The following SESN1 variants were observed in gnomAD, a reference collection of about 807,000 sequenced individuals.
The protein encoded by SESN1 is sestrin 1.
In SESN1, 30 loss-of-function variants were observed where a neutral mutation model predicts 59.3. The observed-to-expected ratio is 0.51, with a 90% CI of 0.38 to 0.69. SESN1 has a LOEUF of 0.69. SESN1 is among the 30% of genes least tolerant of loss of function. The pLI is 0.00. For missense variants in SESN1, 566 were observed against 673.0 expected (o/e 0.84, Z 1.76); for synonymous variants, 197 against 219.9 (o/e 0.90, Z 0.92).
At chr6:109,045,392 G>T in intron 1 of SESN1, among the ~76,000 whole-genome samples, 1 of 152,160 alleles carries the variant, frequency 6.6e-6, no homozygotes, top group East Asian at 1.9e-4. Flanking sequence ...CAGATCTGAT[G>T]ATGATATAAT....
At chr6:109,071,463 G>C (rs1780933420) in intron 1 of SESN1, among the ~76,000 whole-genome samples, 1 of 151,776 alleles carries the variant, frequency 6.6e-6, no homozygotes, top group Non-Finnish European at 1.5e-5. Context: ...CTGAAGCTCA[G>C]AGATGGTAAG....
At chr6:109,005,312 G>A (rs1010100637) in intron 1 of SESN1, among the ~76,000 whole-genome samples, 1 of 152,148 alleles carries the variant, frequency 6.6e-6, no homozygotes, top group African/African-American at 2.4e-5. Context: ...TGGGGAAGGG[G>A]AGGAGAAGCA....
intron 1 of SESN1, among the ~76,000 whole-genome samples, chr6:109,032,811 A>T (rs1295374919): frequency 6.6e-6 from 1 of 152,126 alleles, no homozygotes; most frequent in East Asian, 1.9e-4. Flanking sequence ...CTAAGATAGG[A>T]AGATATACCT....
chr6:109,045,026 A>G (rs1301685340), intron 1 of SESN1, among the ~76,000 whole-genome samples: 1 of 151,702 alleles, frequency 6.6e-6, no homozygotes, highest in African/African-American at 2.4e-5. Context: ...TCCATTTCAA[A>G]AAAAAAAAAG....
chr6:109,047,021 C>A (rs1202048855), intron 1 of SESN1, among the ~76,000 whole-genome samples: 1 of 30,838 alleles, frequency 3.2e-5, no homozygotes, highest in Admixed American at 3.5e-4. Flanking sequence ...CCCGGCCAGC[C>A]GCCCCATCCG....
intron 1 of SESN1, among the ~76,000 whole-genome samples, chr6:109,085,050 G>A (rs369825882): frequency 6.8e-6 from 1 of 147,356 alleles, no homozygotes; most frequent in Non-Finnish European, 1.5e-5. Flanking sequence ...ATCTTTTAAA[G>A]TTTTTTTTTC....
At chr6:109,024,656 C>T (rs1780062464) in intron 1 of SESN1, among the ~76,000 whole-genome samples, 1 of 152,142 alleles carries the variant, frequency 6.6e-6, no homozygotes, top group Non-Finnish European at 1.5e-5. Context: ...ATAGTCTAGC[C>T]TAGACTACCA....
At position 108,985,987 on chromosome 6, in the gene SESN1, T is replaced by C. The variant is rs1779173675; in HGVS notation, c.*1557A>G. Reference sequence around the variant, plus strand: ...TACCACCTCTGTTCAAAATTGATCCTTCCCAACCCCTACTTCCACACTACC... The same window carrying C: ...TACCACCTCTGTTCAAAATTGATCCCTCCCAACCCCTACTTCCACACTACC... On this transcript the variant is annotated 3_prime_UTR_variant, in exon 10 of 10. Transcript: ENST00000436639. 6.6e-6 allele frequency among the ~76,000 whole-genome samples: 1 copy of C among 152,170 alleles called. No individual in the cohort carries two copies. Among genetic ancestry groups the C allele is most frequent in the African/African-American group, 2.4e-5 (1 of 41,442 alleles).
At chr6:109,019,623 G>A (rs1413885821) in intron 1 of SESN1, among the ~76,000 whole-genome samples, 1 of 152,078 alleles carries the variant, frequency 6.6e-6, no homozygotes, top group Non-Finnish European at 1.5e-5. Flanking sequence ...GCCAGTATGA[G>A]CAAGAATAGT....
chr6:109,066,813 A>G lies in SESN1; in HGVS notation c.279+26982T>C, dbSNP rs1450578188. Among the ~76,000 whole-genome samples, 5 of 152,316 alleles carry G rather than the reference A, an allele frequency of 3.3e-5. No individual in the cohort carries two copies. The East Asian group carries it at 9.6e-4, about 29-fold the overall frequency. On this transcript the variant is annotated intron_variant, in intron 1 of 9. Transcript: ENST00000436639. ...AGACAGTGCTAAGCTTAAAAGTTCG[A>G]GAGAGACTATGTAGAGAAAAATGGA... is the stretch of plus-strand genomic sequence containing the variant.
intron 7 of SESN1, among the ~76,000 whole-genome samples, chr6:108,991,968 T>C (rs1216445455): frequency 1.3e-5 from 2 of 152,208 alleles, no homozygotes; most frequent in African/African-American, 2.4e-5. Context: ...ACAATACCCT[T>C]TTCACCATCC....
intron 1 of SESN1, among the ~76,000 whole-genome samples, chr6:109,072,205 C>T (rs1162637073): frequency 6.6e-6 from 1 of 152,144 alleles, no homozygotes; most frequent in Non-Finnish European, 1.5e-5. Flanking sequence ...TATCCTCTAA[C>T]ACAGTTCTGC....
At chr6:109,038,265 G>A (rs936047588) in intron 1 of SESN1, among the ~76,000 whole-genome samples, 4 of 152,204 alleles carry the variant, frequency 2.6e-5, no homozygotes, top group African/African-American at 9.7e-5. Context: ...GACCAAGGTG[G>A]GCAGATCACT....
At chr6:109,072,678 A>G (rs1484857377) in intron 1 of SESN1, among the ~76,000 whole-genome samples, 1 of 152,368 alleles carries the variant, frequency 6.6e-6, no homozygotes, top group South Asian at 2.1e-4. Context: ...TTGATGCCTC[A>G]TGTTTAATTA....
rs1159016149 is a variant in SESN1, at chr6:108,986,676, CAG to C, written c.*866_*867del. On this transcript the variant is annotated 3_prime_UTR_variant, in exon 10 of 10. Transcript: ENST00000436639. ...GTGGGGACCAGGAGGCAGGCAGAGG[CAG>C]AGAGACTGAATGCACCCAGGACTGC... 4.6e-5 allele frequency: 7 copies of C among 152,376 alleles called. No homozygotes were observed. The highest frequency in any genetic ancestry group is 7.3e-5 in the Non-Finnish European group (5 of 68,060). The allele number at this position is 152,376 out of a possible 1,614,324, so 9.4% of individuals were successfully genotyped here. A position where few individuals can be genotyped will look rare whatever the true frequency, so the allele number is the denominator to read the frequency against.
chr6:109,020,406 T>A (rs575779668), intron 1 of SESN1, among the ~76,000 whole-genome samples: 87 of 152,288 alleles, frequency 5.7e-4, no homozygotes, highest in Middle Eastern at 3.4e-3. Flanking sequence ...TTAAAAAAAA[T>A]TTTGTGGGAA....
chr6:109,075,203 T>C (rs949461956), intron 1 of SESN1, among the ~76,000 whole-genome samples: 1 of 152,184 alleles, frequency 6.6e-6, no homozygotes, highest in African/African-American at 2.4e-5. Context: ...GCTCTCTTCA[T>C]AGTATGCAGG....
Position 109,050,703 on chromosome 6 carries a change from A to G in SESN1, c.279+43092T>C, listed in dbSNP as rs142200838. On this transcript the variant is annotated intron_variant, in intron 1 of 9. Transcript: ENST00000436639. The stretch of plus-strand genomic sequence containing the variant: ...TTAGGTCTCTCAGCCTAAAGGCAAA[A>G]GCTGATTTCCAGTCTGACCACAGGA... 1.8e-4 allele frequency among the ~76,000 whole-genome samples: 27 copies of G among 152,318 alleles called. No individual in the cohort carries two copies. In the East Asian group the frequency reaches 5.2e-3, roughly 29 times the overall value.
At chr6:109,017,378 C>T (rs62427213) in intron 1 of SESN1, among the ~76,000 whole-genome samples, 266 of 152,214 alleles carry the variant, frequency 1.7e-3, no homozygotes, top group Non-Finnish European at 2.3e-3. Flanking sequence ...CTCCACTGCC[C>T]GGGTTCACAC....
Sources: allele counts gnomAD v4.1 joint callset (sites outside exome capture counted in the v4.1 genomes callset), GRCh38; gene constraint gnomAD v4.1.1; transcripts MANE v1.5; gene names NCBI Gene and HGNC (gene_info 2026-07-23, HGNC 2026-07-21).